The following HABP4 variants were observed in gnomAD, a reference collection of about 807,000 sequenced individuals.
The protein encoded by HABP4 is intracellular hyaluronan-binding protein 4.
In HABP4, 32 loss-of-function variants were observed where a neutral mutation model predicts 44.1. The observed-to-expected ratio is 0.73, with a 90% CI of 0.55 to 0.97. The LOEUF (loss-of-function observed/expected upper bound fraction) is 0.97, where lower values mean the gene tolerates loss of function less well. HABP4 is among the 50% of genes least tolerant of loss of function. The pLI is 0.00. For missense variants in HABP4, 503 were observed against 561.9 expected (o/e 0.90, Z 1.06); for synonymous variants, 216 against 218.0 (o/e 0.99, Z 0.08).
chr9:96,458,708 C>G (rs1832446158), intron 2 of HABP4, among the ~76,000 whole-genome samples, 167 bp downstream of exon 2: 1 of 151,548 alleles, frequency 6.6e-6, no homozygotes, highest in East Asian at 1.9e-4. Context: ...ACTGCAACCT[C>G]CGCTCCCGGG....
chr9:96,450,188 C>T lies in HABP4; in HGVS notation c.-92C>T, dbSNP rs1223818178. ...CAGGGTAGGGCCCGGAGGGCGGTGG[C>T]GGCGGAGCGGGCGGCATGGGTCCTG... On this transcript the variant is annotated 5_prime_UTR_variant, in exon 1 of 8. Coordinates refer to ENST00000375249, the MANE Select transcript of HABP4 (RefSeq NM_014282.4). The surrounding 1 kb of genome is among the most constrained non-coding windows in gnomAD (Gnocchi z 4.8). 10 of 1,188,180 alleles carry T rather than the reference C, an allele frequency of 8.4e-6. No homozygotes were observed. Among genetic ancestry groups the T allele is most frequent in the South Asian group, 3.2e-5 (1 of 31,704 alleles). 73.6% of individuals were successfully genotyped at this position (1,188,180 alleles called of 1,614,324 possible). A position where few individuals can be genotyped will look rare whatever the true frequency, so the allele number is the denominator to read the frequency against.
At chr9:96,465,227 G>T in intron 2 of HABP4, 110 bp from the exon 3 acceptor site, 1 of 715,238 alleles carries the variant, frequency 1.4e-6, no homozygotes. Flanking sequence ...TGTGATTCAA[G>T]CCACCATTCT....
chr9:96,489,968 CT>C lies in HABP4; in HGVS notation c.1186-7del. ...AGGGGCAGTGGATTTCAAAGTATTT[CT>C]TTTTTTCTTTAGATGCAAGATGTTG... On this transcript the variant is annotated splice_polypyrimidine_tract_variant and intron_variant, in intron 7 of 7. Transcript: ENST00000375249. 2.6e-6 allele frequency: 4 copies of C among 1,539,306 alleles called. No homozygotes were observed. The highest frequency in any genetic ancestry group is 3.6e-6 in the Non-Finnish European group (4 of 1,111,706).
In HABP4 at chr9:96,450,564, CA is replaced by C; in HGVS notation, c.287del (p.Lys96ArgfsTer87). On this transcript the variant is annotated frameshift_variant, in exon 1 of 8. Coordinates refer to ENST00000375249, the MANE Select transcript of HABP4 (RefSeq NM_014282.4). LOFTEE classifies it high-confidence loss of function. This position sits in a 1 kb window ranked among gnomAD's most constrained non-coding sequence, Gnocchi z 4.8. ...GGRRESQKER[K>X]SLPAPVAQRP... ...GCCGGAGGGAGTCGCAGAAGGAGCG[CA>C]AGAGCCTCCCGGCGCCCGTCGCTCA... The C allele has an allele frequency of 1.6e-6, 2 of 1,276,688 alleles. No individual in the cohort carries two copies. Among genetic ancestry groups the C allele is most frequent in the Non-Finnish European group, 2.0e-6 (2 of 1,011,972 alleles). 79.1% of individuals were successfully genotyped at this position (1,276,688 alleles called of 1,614,324 possible). A position where few individuals can be genotyped will look rare whatever the true frequency, so the allele number is the denominator to read the frequency against.
At chr9:96,452,363 A>C (rs746814923) in intron 1 of HABP4, among the ~76,000 whole-genome samples, 2 of 152,158 alleles carry the variant, frequency 1.3e-5, no homozygotes, top group Admixed American at 1.3e-4. Flanking sequence ...AAAATGTATG[A>C]GGTTAAGTGA....
chr9:96,454,949 CA>C (rs34778808), intron 1 of HABP4, among the ~76,000 whole-genome samples: 3 of 150,682 alleles, frequency 2.0e-5, no homozygotes, highest in African/African-American at 7.3e-5. Flanking sequence ...CCTGTCTCTA[CA>C]AAAAAAAATT....
At chr9:96,467,381 T>A (rs1290347316) in intron 4 of HABP4, among the ~76,000 whole-genome samples, 1 of 152,220 alleles carries the variant, frequency 6.6e-6, no homozygotes, top group African/African-American at 2.4e-5. Context: ...TTTCTCTATC[T>A]GGGGTTCCAT....
At chr9:96,482,828 TTGTTTC>T (rs143221327) in intron 5 of HABP4, among the ~76,000 whole-genome samples, 3,675 of 152,332 alleles carry the variant, frequency 0.024, 150 homozygotes, top group African/African-American at 0.085. Flanking sequence ...TATTAATACT[TTGTTTC>T]TTTTTATTGC....
chr9:96,466,012 A>G (rs1832594593), intron 4 of HABP4, among the ~76,000 whole-genome samples: 1 of 152,220 alleles, frequency 6.6e-6, no homozygotes, highest in Admixed American at 6.5e-5. Context: ...CAAATTTGTG[A>G]CAGATGACCA....
chr9:96,466,589 C>G (rs953533356), intron 4 of HABP4, among the ~76,000 whole-genome samples: 2 of 152,152 alleles, frequency 1.3e-5, no homozygotes, highest in African/African-American at 4.8e-5. Context: ...TTTCAAAGTT[C>G]ATGTGGATCC....
At position 96,488,283 on chromosome 9, in the gene HABP4, C is replaced by G. The variant is rs772725109; in HGVS notation, c.1185+9C>G. 6.3e-7 allele frequency: 1 copy of G among 1,598,726 alleles called. No homozygotes were observed. The highest frequency in any genetic ancestry group is 1.1e-5 in the South Asian group (1 of 90,536). On this transcript the variant is annotated intron_variant, in intron 7 of 7. Transcript: ENST00000375249. The surrounding 1 kb of genome is among the most constrained non-coding windows in gnomAD (Gnocchi z 4.6). ...CCAGAGCAGAAGTGGTGGTAGGTGT[C>G]TGTATTGACGGTTTGGCGAAAGAAG...
chr9:96,486,151 C>G (rs536640503), intron 6 of HABP4, among the ~76,000 whole-genome samples: 89 of 152,246 alleles, frequency 5.8e-4, no homozygotes, highest in African/African-American at 2.1e-3. Flanking sequence ...GAGATCACGC[C>G]ATTGCACTCC....
rs182677786 is a variant in HABP4 at position 96,464,145 on chromosome 9, G to A, written c.513-1192G>A. ...GGAGGAGTGGCTTGGGCTCTCGCTC[G>A]TATTGTGAGTTGGGAATCACAGGAG... On this transcript the variant is annotated intron_variant, in intron 2 of 7. Transcript: ENST00000375249. Among the ~76,000 whole-genome samples, 4 of 152,248 alleles carry A rather than the reference G, an allele frequency of 2.6e-5. No homozygotes were observed. The East Asian group carries it at 7.7e-4, about 29-fold the overall frequency.
chr9:96,481,207 C>G (rs1351673352), intron 5 of HABP4, among the ~76,000 whole-genome samples: 1 of 152,088 alleles, frequency 6.6e-6, no homozygotes, highest in Non-Finnish European at 1.5e-5. Flanking sequence ...GCTTCAGCCT[C>G]CCGAGTAGCT....
Position 96,489,823 on chromosome 9 carries a change from T to C in HABP4, c.1186-159T>C, listed in dbSNP as rs185588656. Among the ~76,000 whole-genome samples, 5 of 152,314 alleles carry C rather than the reference T, an allele frequency of 3.3e-5. No homozygotes were observed. The East Asian group carries it at 9.6e-4, about 29-fold the overall frequency. On this transcript the variant is annotated intron_variant, in intron 7 of 7. Transcript: ENST00000375249. Reference sequence around the variant, plus strand: ...CTGTGTGGGAGGGGGAGCTGTACTTTCCTGGGTTAGCAGTGACCTGTGACT... The same window carrying C: ...CTGTGTGGGAGGGGGAGCTGTACTTCCCTGGGTTAGCAGTGACCTGTGACT...
intron 5 of HABP4, among the ~76,000 whole-genome samples, chr9:96,472,199 G>C (rs374121131): frequency 1.3e-5 from 2 of 152,208 alleles, no homozygotes; most frequent in East Asian, 3.9e-4. Flanking sequence ...CCTTCTCTCT[G>C]CCTGTTCCCA....
intron 2 of HABP4, among the ~76,000 whole-genome samples, chr9:96,464,286 T>C (rs1832558056): frequency 6.6e-6 from 1 of 152,134 alleles, no homozygotes; most frequent in African/African-American, 2.4e-5. Context: ...CAGGGCCAGT[T>C]AGCATTAGCA....
At chr9:96,458,760 T>C (rs942336742) in intron 2 of HABP4, among the ~76,000 whole-genome samples, 5 of 152,028 alleles carry the variant, frequency 3.3e-5, no homozygotes, top group African/African-American at 4.8e-5. Context: ...GTAGCTGGGA[T>C]TACAGGCATG....
chr9:96,474,664 A>G (rs1203666639), intron 5 of HABP4, among the ~76,000 whole-genome samples: 1 of 152,218 alleles, frequency 6.6e-6, no homozygotes, highest in Non-Finnish European at 1.5e-5. Context: ...TCAAATTTTA[A>G]CATTATTACT....
Sources: gnomAD v4.1 joint callset for allele counts (sites outside exome capture counted in the v4.1 genomes callset) on GRCh38, gnomAD v4.1.1 for gene constraint, Gnocchi (gnomAD v3.1) non-coding constraint, MANE v1.5 for transcripts, NCBI Gene and HGNC (gene_info 2026-07-23, HGNC 2026-07-21) for gene names.